CDH13: variants seen among roughly 807,000 people sequenced by gnomAD.
The protein encoded by CDH13 is cadherin-13.
A neutral mutation model predicts 63.8 loss-of-function variants in CDH13; 24 were observed. That is an observed-to-expected ratio of 0.38 (90% confidence interval 0.27 to 0.53). The LOEUF (loss-of-function observed/expected upper bound fraction) is 0.53. Ranked by LOEUF, CDH13 falls within the 20% of genes least tolerant of loss-of-function variation. The probability of loss-of-function intolerance (pLI) is 0.85; values close to 1 mark genes in which losing one functional copy is unlikely to be tolerated. For missense variants in CDH13, 1,049 were observed against 903.1 expected, an observed-to-expected ratio of 1.16 and a Z score of -2.07; for synonymous variants, 503 against 355.3, an observed-to-expected ratio of 1.42 and a Z score of -4.67.
intron 3 of CDH13, among the ~76,000 whole-genome samples, chr16:83,068,323 TA>T (rs1245380545): frequency 2.0e-5 from 3 of 152,186 alleles, no homozygotes; most frequent in Non-Finnish European, 2.9e-5. Flanking sequence ...CTATCTAGAA[TA>T]ACTGAGGCTT....
chr16:83,599,444 C>T (rs1177641566), intron 7 of CDH13, among the ~76,000 whole-genome samples: 1 of 152,168 alleles, frequency 6.6e-6, no homozygotes, highest in African/African-American at 2.4e-5. Flanking sequence ...AATAAAAAGC[C>T]TGAAAACATT....
At chr16:83,340,140 C>T (rs1244352227) in intron 5 of CDH13, among the ~76,000 whole-genome samples, 1 of 152,182 alleles carries the variant, frequency 6.6e-6, no homozygotes, top group African/African-American at 2.4e-5. Context: ...TATTTGACAG[C>T]TTCTCAAAAA....
At chr16:82,669,757 C>T (rs1913017499) in intron 1 of CDH13, among the ~76,000 whole-genome samples, 1 of 152,204 alleles carries the variant, frequency 6.6e-6, no homozygotes, top group Non-Finnish European at 1.5e-5. Flanking sequence ...GAACCATTTG[C>T]TCCCCAGTTA....
chr16:82,836,314 A>T (rs1418783676), intron 1 of CDH13, among the ~76,000 whole-genome samples: 1 of 151,668 alleles, frequency 6.6e-6, no homozygotes, highest in East Asian at 1.9e-4. Flanking sequence ...ACGCCCAGTT[A>T]TTTTTCTGTA....
At chr16:83,356,391 C>G (rs919601912) in intron 6 of CDH13, among the ~76,000 whole-genome samples, 1 of 152,056 alleles carries the variant, frequency 6.6e-6, no homozygotes, top group African/African-American at 2.4e-5. Context: ...AGATTCTCCC[C>G]CTAGCGGTAG....
intron 10 of CDH13, among the ~76,000 whole-genome samples, chr16:83,709,001 G>A (rs559938411): frequency 2.0e-5 from 3 of 152,220 alleles, no homozygotes; most frequent in South Asian, 2.1e-4. Flanking sequence ...TCTAGTCTGG[G>A]CAACAGAGCG....
chr16:82,842,466 G>C (rs541477630), intron 1 of CDH13, among the ~76,000 whole-genome samples: 2 of 151,992 alleles, frequency 1.3e-5, no homozygotes, highest in Non-Finnish European at 2.9e-5. Flanking sequence ...AGAGTGCACA[G>C]GCAAAAATCA....
intron 10 of CDH13, among the ~76,000 whole-genome samples, chr16:83,720,924 A>T (rs1299655419): frequency 6.6e-6 from 1 of 152,190 alleles, no homozygotes; most frequent in African/African-American, 2.4e-5. Context: ...GGCCTCTGGC[A>T]GAGCATTCCT....
At chr16:83,429,171 A>G (rs1464098136) in intron 6 of CDH13, among the ~76,000 whole-genome samples, 1 of 152,170 alleles carries the variant, frequency 6.6e-6, no homozygotes, top group African/African-American at 2.4e-5. Flanking sequence ...ATAAGACTGG[A>G]TCTGAACAAG....
chr16:82,924,036 A>G (rs1443750448), intron 2 of CDH13, among the ~76,000 whole-genome samples: 1 of 152,222 alleles, frequency 6.6e-6, no homozygotes, highest in African/African-American at 2.4e-5. Flanking sequence ...TGATGGGTAA[A>G]CAAGTCATGA....
At chr16:82,759,161 G>C (rs2034734502) in intron 1 of CDH13, among the ~76,000 whole-genome samples, 1 of 152,214 alleles carries the variant, frequency 6.6e-6, no homozygotes, top group Admixed American at 6.5e-5. Context: ...AGACAATTGT[G>C]AGTCAGGTTC....
At chr16:83,600,981 C>T (rs898901667) in intron 7 of CDH13, among the ~76,000 whole-genome samples, 2 of 152,072 alleles carry the variant, frequency 1.3e-5, no homozygotes, top group African/African-American at 4.8e-5. Context: ...TCCTCTAGCT[C>T]CCCCTGCCAA....
chr16:83,669,710 C>T (rs1748355536), intron 8 of CDH13, among the ~76,000 whole-genome samples: 1 of 152,190 alleles, frequency 6.6e-6, no homozygotes, highest in South Asian at 2.1e-4. Context: ...AATTAATCAG[C>T]CACTGCTTTT....
intron 1 of CDH13, among the ~76,000 whole-genome samples, chr16:82,692,286 G>C (rs775378534): frequency 3.3e-5 from 5 of 152,194 alleles, no homozygotes; most frequent in Admixed American, 6.5e-5. Flanking sequence ...AACTATATTA[G>C]TCTGTTCTCA....
At chr16:82,728,756 T>C (rs182733522) in intron 1 of CDH13, among the ~76,000 whole-genome samples, 133 of 152,298 alleles carry the variant, frequency 8.7e-4, no homozygotes, top group African/African-American at 3.1e-3. Context: ...CTGTTTCTTT[T>C]ACAAAAACTT....
chr16:83,009,449 C>T (rs994813265), intron 2 of CDH13, among the ~76,000 whole-genome samples: 1 of 152,158 alleles, frequency 6.6e-6, no homozygotes, highest in African/African-American at 2.4e-5. Context: ...GTAATGGATG[C>T]TTTACATTCT....
intron 2 of CDH13, among the ~76,000 whole-genome samples, chr16:83,013,830 T>C (rs1162531057): frequency 2.6e-5 from 4 of 152,180 alleles, no homozygotes; most frequent in African/African-American, 9.7e-5. Context: ...GGTTTTATTC[T>C]AGTGAGAGAG....
At chr16:83,214,573 C>G (rs1177981192) in intron 4 of CDH13, among the ~76,000 whole-genome samples, 40 of 7,694 alleles carry the variant, frequency 5.2e-3, no homozygotes, top group Non-Finnish European at 0.019. Context: ...GAGTGAGACT[C>G]TGTCTCAAAA....
chr16:82,872,669 G>C (rs1219101525), intron 2 of CDH13, among the ~76,000 whole-genome samples: 2 of 152,108 alleles, frequency 1.3e-5, no homozygotes, highest in Non-Finnish European at 2.9e-5. Flanking sequence ...TTTGGCTTGA[G>C]AGCAAAAGGG....
Sources: gnomAD v4.1 joint callset for allele counts (sites outside exome capture counted in the v4.1 genomes callset) on GRCh38, gnomAD v4.1.1 for gene constraint, MANE v1.5 for transcripts, NCBI Gene and HGNC (gene_info 2026-07-23, HGNC 2026-07-21) for gene names.